AQP7B: variants seen among roughly 807,000 people sequenced by gnomAD.
AQP7B encodes the protein aquaporin 7B, also known as putative aquaporin-7B.
At chr2:94,597,439 C>T in the AQP7B span, among the ~76,000 whole-genome samples, 1 of 152,060 alleles carries the variant, frequency 6.6e-6, no homozygotes. Flanking sequence ...ATGCTAAGCC[C>T]CTTATGTGCA....
chr2:94,588,449 C>T, the AQP7B span: 5 of 607,362 alleles, frequency 8.2e-6, no homozygotes, highest in Admixed American at 2.9e-5. Context: ...AAGTGTGGGG[C>T]CAAGTTCTGT....
At chr2:94,603,126 T>C in the AQP7B span, 2 of 1,556,442 alleles carry the variant, frequency 1.3e-6, no homozygotes, top group African/African-American at 1.4e-5. Flanking sequence ...GCTGGGGCAG[T>C]TCCTGGGCTC....
At chr2:94,603,345 T>C in the AQP7B span, 4 of 1,573,404 alleles carry the variant, frequency 2.5e-6, no homozygotes, top group Non-Finnish European at 3.5e-6. Flanking sequence ...TGGGGCTTAG[T>C]TGGGGGCAGG....
chr2:94,592,226 G>A, the AQP7B span, among the ~76,000 whole-genome samples: 1 of 152,132 alleles, frequency 6.6e-6, no homozygotes, highest in East Asian at 1.9e-4. Flanking sequence ...ACCTCGCCCT[G>A]CTAGGGAGAG....
At chr2:94,589,604 C>A in the AQP7B span, among the ~76,000 whole-genome samples, 1 of 152,224 alleles carries the variant, frequency 6.6e-6, no homozygotes, top group Non-Finnish European at 1.5e-5. Context: ...CAGCTCCACA[C>A]AAGCAGGGAT....
the AQP7B span, chr2:94,602,598 T>C: frequency 2.5e-6 from 4 of 1,595,754 alleles, no homozygotes; most frequent in East Asian, 9.0e-5. Flanking sequence ...GGAGTCCACG[T>C]GGCAGGCCGC....
the AQP7B span, among the ~76,000 whole-genome samples, chr2:94,597,907 A>G: frequency 9.2e-5 from 14 of 152,244 alleles, no homozygotes; most frequent in Admixed American, 3.9e-4. Context: ...GCCCAGCCCA[A>G]TATCACAGTC....
the AQP7B span, among the ~76,000 whole-genome samples, chr2:94,598,170 G>T: frequency 6.6e-6 from 1 of 152,162 alleles, no homozygotes; most frequent in Non-Finnish European, 1.5e-5. Context: ...ATATTGTGTT[G>T]TTGTTATTTT....
the AQP7B span, among the ~76,000 whole-genome samples, chr2:94,592,879 A>G: frequency 3.3e-5 from 4 of 119,978 alleles, 1 homozygote; most frequent in East Asian, 1.1e-3. Context: ...GCTGGAGTGC[A>G]GTGGTGTGAT....
chr2:94,601,672 C>T, the AQP7B span, among the ~76,000 whole-genome samples: 2 of 152,046 alleles, frequency 1.3e-5, no homozygotes, highest in East Asian at 3.9e-4. Flanking sequence ...AACCAGGAAC[C>T]CACAGCTGGA....
At chr2:94,589,341 G>A in the AQP7B span, among the ~76,000 whole-genome samples, 2 of 152,046 alleles carry the variant, frequency 1.3e-5, no homozygotes, top group Non-Finnish European at 2.9e-5. Context: ...CTTCAAACAA[G>A]CTGAGAGTCC....
the AQP7B span, among the ~76,000 whole-genome samples, chr2:94,588,975 T>TTTTTTTTC: frequency 6.7e-6 from 1 of 150,144 alleles, no homozygotes; most frequent in Non-Finnish European, 1.5e-5. Flanking sequence ...TCTTTTCTGT[T>TTTTTTTTC]TTTTTTTCTT....
chr2:94,596,991 C>A, the AQP7B span, among the ~76,000 whole-genome samples: 6 of 152,316 alleles, frequency 3.9e-5, no homozygotes, highest in African/African-American at 9.6e-5. Context: ...TGAGTCACCT[C>A]GCCTGGCCCA....
the AQP7B span, among the ~76,000 whole-genome samples, chr2:94,599,242 C>A: frequency 6.6e-6 from 1 of 152,112 alleles, no homozygotes; most frequent in East Asian, 1.9e-4. Context: ...CCTGACCTCA[C>A]TCCCCCCGGC....
chr2:94,595,221 A>G, the AQP7B span, among the ~76,000 whole-genome samples: 138,578 of 152,146 alleles, frequency 0.91, 63,214 homozygotes, highest in Admixed American at 0.94. Context: ...GATCACCTGA[A>G]GTCAGGAGTT....
At chr2:94,602,717 C>T in the AQP7B span, 5 of 1,228,696 alleles carry the variant, frequency 4.1e-6, no homozygotes, top group Non-Finnish European at 5.7e-6. Context: ...CAGCCAGTGC[C>T]TCAGCCTGGC....
chr2:94,603,282 A>AG, the AQP7B span: 4 of 1,412,568 alleles, frequency 2.8e-6, no homozygotes, highest in Non-Finnish European at 3.9e-6. Flanking sequence ...GGGAGAAAAA[A>AG]GCCTTGGAGC....
the AQP7B span, chr2:94,604,072 A>C: frequency 8.6e-6 from 6 of 695,408 alleles, no homozygotes; most frequent in African/African-American, 1.8e-5. Context: ...GAGTCCCAAC[A>C]TTTCCCCAGG....
At chr2:94,600,818 G>A in the AQP7B span, among the ~76,000 whole-genome samples, 2 of 151,916 alleles carry the variant, frequency 1.3e-5, no homozygotes, top group African/African-American at 4.8e-5. Context: ...GTTGGAGGTT[G>A]CGGTGAGCCG....
Sources: allele counts gnomAD v4.1 joint callset (sites outside exome capture counted in the v4.1 genomes callset), GRCh38; gene constraint gnomAD v4.1.1; transcripts MANE v1.5; gene names NCBI Gene and HGNC (gene_info 2026-07-23, HGNC 2026-07-21).